CAPZB: variants seen among roughly 807,000 people sequenced by gnomAD.
CAPZB encodes the protein F-actin-capping protein subunit beta.
A neutral mutation model predicts 38.1 loss-of-function variants in CAPZB; 2 were observed. The ratio of observed to expected loss-of-function variants is 0.05; its 90% CI spans 0.02 to 0.17. The LOEUF (loss-of-function observed/expected upper bound fraction) is 0.17, where lower values mean the gene tolerates loss of function less well. CAPZB is among the 10% of genes least tolerant of loss of function. The pLI is 1.00. For missense variants in CAPZB, 161 were observed against 334.2 expected, an observed-to-expected ratio of 0.48 and a Z score of 4.04; for synonymous variants, 107 against 127.4, an observed-to-expected ratio of 0.84 and a Z score of 1.08.
chr1:19,434,736 T>C (rs1050012574), intron 1 of CAPZB, among the ~76,000 whole-genome samples: 23 of 151,948 alleles, frequency 1.5e-4, no homozygotes, highest in Admixed American at 4.6e-4. Context: ...TCAAACCAGC[T>C]TGGGCAACAC....
intron 1 of CAPZB, among the ~76,000 whole-genome samples, chr1:19,469,595 A>G (rs1199451186): frequency 6.6e-6 from 1 of 152,042 alleles, no homozygotes; most frequent in Admixed American, 6.6e-5. Flanking sequence ...GGCTCTGGGG[A>G]CAGGCAGTGA....
intron 6 of CAPZB, among the ~76,000 whole-genome samples, chr1:19,355,514 T>C (rs1316865726): frequency 6.6e-6 from 1 of 151,678 alleles, no homozygotes; most frequent in East Asian, 1.9e-4. Flanking sequence ...AAAAAAAAAT[T>C]TTACTGCATC....
rs748388947 is a variant in CAPZB at position 19,357,184 on chromosome 1, A to T, written c.471+238T>A. Among the ~76,000 whole-genome samples the T allele has an allele frequency of 9.9e-5, 15 of 152,182 alleles. No homozygotes were observed. The highest frequency in any genetic ancestry group is 1.5e-4 in the Non-Finnish European group (10 of 68,024). On this transcript the variant is annotated intron_variant, in intron 5 of 8. Coordinates refer to ENST00000264202, the MANE Select transcript of CAPZB (RefSeq NM_004930.5). The surrounding 1 kb of genome is among the most constrained non-coding windows in gnomAD (Gnocchi z 4.3). ...CTGGCCTCACAATATTGTCTTTCTTAAAAAATCTCAACTGGTTTTTAAAGG... is the reference window on the plus strand; with the variant it reads ...CTGGCCTCACAATATTGTCTTTCTTTAAAAATCTCAACTGGTTTTTAAAGG...
At chr1:19,352,497 G>T (rs752507214) in intron 6 of CAPZB, among the ~76,000 whole-genome samples, 1 of 152,252 alleles carries the variant, frequency 6.6e-6, no homozygotes, top group Non-Finnish European at 1.5e-5. Context: ...TCACATAGGA[G>T]AAGTGACCTC....
At position 19,357,601 on chromosome 1, in the gene CAPZB, A is replaced by C. The variant is rs772413732; in HGVS notation, c.330-38T>G. On this transcript the variant is annotated intron_variant, in intron 4 of 8. Transcript: ENST00000264202. This position sits in a 1 kb window ranked among gnomAD's most constrained non-coding sequence, Gnocchi z 4.3. ...GGCCAATGTGCCTGTTAGATGCTAA[A>C]GGACAGATCATCAGCCTGGGTCCCA... is the stretch of plus-strand genomic sequence containing the variant. 7 of 1,610,288 alleles carry C rather than the reference A, an allele frequency of 4.3e-6. No individual in the cohort carries two copies. In the Admixed American group the frequency reaches 1.0e-4, roughly 23 times the overall value.
chr1:19,395,833 G>A (rs2094264295), intron 2 of CAPZB, among the ~76,000 whole-genome samples: 1 of 152,204 alleles, frequency 6.6e-6, no homozygotes, highest in South Asian at 2.1e-4. Flanking sequence ...TCACCAGAAT[G>A]GAAGTCATCT....
chr1:19,351,789 C>A (rs920328881), intron 6 of CAPZB, among the ~76,000 whole-genome samples: 12 of 152,166 alleles, frequency 7.9e-5, no homozygotes, highest in Admixed American at 7.9e-4. Context: ...AAACCACAAT[C>A]CAGGGCTCAG....
intron 1 of CAPZB, among the ~76,000 whole-genome samples, chr1:19,444,963 G>A (rs547806540): frequency 6.6e-5 from 10 of 152,008 alleles, no homozygotes; most frequent in South Asian, 2.1e-4. Context: ...GGCTGGTATT[G>A]AACTCCTAAT....
intron 1 of CAPZB, chr1:19,484,457 C>A: frequency 6.8e-7 from 1 of 1,473,762 alleles, no homozygotes; most frequent in Non-Finnish European, 9.0e-7. Flanking sequence ...GCACGCACAG[C>A]ACCCACGGCG....
rs560154696 is a variant in CAPZB at position 19,353,863 on chromosome 1, G to A, written c.588+2772C>T. Among the ~76,000 whole-genome samples, 11 of 152,340 alleles carry A rather than the reference G, an allele frequency of 7.2e-5. No individual in the cohort carries two copies. In the East Asian group the frequency reaches 7.7e-4, roughly 11 times the overall value. On this transcript the variant is annotated intron_variant, in intron 6 of 8. Coordinates refer to ENST00000264202, the MANE Select transcript of CAPZB (RefSeq NM_004930.5). The stretch of plus-strand genomic sequence containing the variant: ...CACACACCTGGGGAGCCTTGACGCC[G>A]TGTGCGGCTCTGCAGGGTTGATCCT...
chr1:19,468,805 C>G (rs1332263578), intron 1 of CAPZB, among the ~76,000 whole-genome samples: 1 of 152,220 alleles, frequency 6.6e-6, no homozygotes, highest in Non-Finnish European at 1.5e-5. Context: ...GTCTCTCTGC[C>G]TGCCATGTCT....
intron 1 of CAPZB, among the ~76,000 whole-genome samples, chr1:19,447,731 G>A (rs1488450111): frequency 1.3e-5 from 2 of 152,208 alleles, no homozygotes; most frequent in African/African-American, 4.8e-5. Context: ...TGGTGGAGGA[G>A]GGCACGGCTC....
At chr1:19,398,780 G>C (rs946271394) in intron 2 of CAPZB, among the ~76,000 whole-genome samples, 1 of 152,016 alleles carries the variant, frequency 6.6e-6, no homozygotes, top group South Asian at 2.1e-4. Context: ...GTTAGGGCAG[G>C]TCGCAAAGCA....
At chr1:19,405,785 C>T (rs991913463) in intron 2 of CAPZB, among the ~76,000 whole-genome samples, 6 of 152,198 alleles carry the variant, frequency 3.9e-5, no homozygotes, top group Admixed American at 2.6e-4. Context: ...CCCTCCAAAG[C>T]GTCCATCTGA....
chr1:19,375,765 C>G (rs892526135), intron 4 of CAPZB, among the ~76,000 whole-genome samples: 2 of 152,230 alleles, frequency 1.3e-5, no homozygotes, highest in Admixed American at 1.3e-4. Context: ...AGCTATGACT[C>G]CCGGCTCCTG....
chr1:19,441,321 G>A (rs1245842139), intron 1 of CAPZB, among the ~76,000 whole-genome samples: 1 of 152,064 alleles, frequency 6.6e-6, no homozygotes, highest in Non-Finnish European at 1.5e-5. Context: ...GTTTGCTTGG[G>A]GACATTTCTT....
At chr1:19,416,727 G>GT (rs1417525857) in intron 2 of CAPZB, among the ~76,000 whole-genome samples, 1 of 151,822 alleles carries the variant, frequency 6.6e-6, no homozygotes, top group African/African-American at 2.4e-5. Flanking sequence ...AGATGTGGTG[G>GT]TGGGCGCCTG....
intron 1 of CAPZB, among the ~76,000 whole-genome samples, chr1:19,433,984 T>G (rs1365993600): frequency 6.6e-6 from 1 of 152,134 alleles, no homozygotes; most frequent in Non-Finnish European, 1.5e-5. Context: ...ATCACCAAAG[T>G]TTTAAACATA....
chr1:19,383,116 C>CAAAA (rs34245294), intron 3 of CAPZB, among the ~76,000 whole-genome samples: 1 of 128,260 alleles, frequency 7.8e-6, no homozygotes, highest in African/African-American at 2.9e-5. Flanking sequence ...CCCATCTCTA[C>CAAAA]AAAAAAAAAA....
Sources: allele counts gnomAD v4.1 joint callset (sites outside exome capture counted in the v4.1 genomes callset), GRCh38; gene constraint gnomAD v4.1.1; non-coding constraint Gnocchi (gnomAD v3.1); transcripts MANE v1.5; gene names NCBI Gene and HGNC (gene_info 2026-07-23, HGNC 2026-07-21).